Variants in ARFGEF1 observed in about 807,000 individuals in gnomAD.
ARFGEF1 encodes the protein ARF guanine nucleotide exchange factor 1.
A neutral mutation model predicts 231.0 loss-of-function variants in ARFGEF1; 42 were observed. That is an observed-to-expected ratio of 0.18 (90% CI 0.14 to 0.24). The LOEUF (loss-of-function observed/expected upper bound fraction) is 0.24, where lower values mean the gene tolerates loss of function less well. ARFGEF1 is among the 10% of genes least tolerant of loss of function. ARFGEF1 has a pLI of 1.00. For missense variants in ARFGEF1, 1,345 were observed against 2,192.0 expected, an observed-to-expected ratio of 0.61 and a Z score of 7.72; for synonymous variants, 710 against 732.3, an observed-to-expected ratio of 0.97 and a Z score of 0.49.
At chr8:67,283,668 T>C (rs1805631156) in intron 7 of ARFGEF1, among the ~76,000 whole-genome samples, 1 of 152,024 alleles carries the variant, frequency 6.6e-6, no homozygotes, top group African/African-American at 2.4e-5. Flanking sequence ...AAAAATCTGA[T>C]GGAAAAATGA....
At position 67,259,448 on chromosome 8, in the gene ARFGEF1, G is replaced by A. The variant is rs569368623; in HGVS notation, c.2235+367C>T. Among the ~76,000 whole-genome samples the A allele has an allele frequency of 2.2e-4, 34 of 152,066 alleles. No homozygotes were observed. The East Asian group carries it at 6.0e-3, about 27-fold the overall frequency. ...TTGCCACATTGGCCAGGCTGGTCTC[G>A]AACTCCTGACCTCAGGTGATCTACC... is the stretch of plus-strand genomic sequence containing the variant. On this transcript the variant is annotated intron_variant, in intron 15 of 38. Coordinates refer to ENST00000262215, the MANE Select transcript of ARFGEF1 (RefSeq NM_006421.5).
At chr8:67,236,408 A>G (rs548160245) in intron 22 of ARFGEF1, among the ~76,000 whole-genome samples, 28 of 105,554 alleles carry the variant, frequency 2.7e-4, no homozygotes, top group South Asian at 1.8e-3. Flanking sequence ...ATATATATAT[A>G]TATGTATCCA....
At chr8:67,306,165 T>A (rs554052733) in intron 1 of ARFGEF1, among the ~76,000 whole-genome samples, 217 of 152,298 alleles carry the variant, frequency 1.4e-3, no homozygotes, top group African/African-American at 5.1e-3. Context: ...TTGGGGGTAT[T>A]AAGTAAAATA....
chr8:67,296,642 G>C, intron 4 of ARFGEF1, 32 bp from the exon 5 acceptor site: 2 of 1,515,464 alleles, frequency 1.3e-6, no homozygotes, highest in Non-Finnish European at 1.8e-6. Context: ...AAGTTAAAGA[G>C]ATTTTCTTTT....
At chr8:67,177,109 A>G (rs1831881595) in intron 5 of ARFGEF1, among the ~76,000 whole-genome samples, 4 of 151,528 alleles carry the variant, frequency 2.6e-5, no homozygotes, top group Admixed American at 2.6e-4. Flanking sequence ...TGGCCTCACT[A>G]TAAACAATCA....
Position 67,266,864 on chromosome 8 carries a change from A to T in ARFGEF1, c.1921+12T>A. 1 of 1,601,092 alleles carries T rather than the reference A, an allele frequency of 6.2e-7. No homozygotes were observed. The highest frequency in any genetic ancestry group is 2.2e-5 in the East Asian group (1 of 44,682). ...AAATGACAAAGAATTACAGCTCAAA[A>T]TATCACCTTACCAAGAGTTGTCTGG... is the stretch of plus-strand genomic sequence containing the variant. On this transcript the variant is annotated intron_variant, in intron 13 of 38. Coordinates refer to ENST00000262215, the MANE Select transcript of ARFGEF1 (RefSeq NM_006421.5).
chr8:67,195,811 T>C, downstream of ARFGEF1: 1 of 505,440 alleles, frequency 2.0e-6, no homozygotes, highest in Non-Finnish European at 3.5e-6. Flanking sequence ...TTTTGCACAG[T>C]TTTGTCATAA....
rs1838391415 is a variant in ARFGEF1, at chr8:67,203,080, T to C, written c.5128+3A>G. On this transcript the variant is annotated splice_donor_region_variant and intron_variant, in intron 36 of 38. Coordinates refer to ENST00000262215, the MANE Select transcript of ARFGEF1 (RefSeq NM_006421.5). ...CATTAAATGTGAGGCGTGTGCAGCT[T>C]ACCTGCTTTCCACAGGGCAGTCCTC... The C allele has an allele frequency of 6.2e-7, 1 of 1,611,448 alleles. No individual in the cohort carries two copies.
chr8:67,239,249 G>C (rs567537271), intron 20 of ARFGEF1, among the ~76,000 whole-genome samples: 17 of 151,814 alleles, frequency 1.1e-4, no homozygotes, highest in Admixed American at 1.1e-3. Flanking sequence ...CTCGTGATCT[G>C]CCCGCCTCGA....
chr8:67,342,722 G>A (rs1468120602), intron 1 of ARFGEF1, among the ~76,000 whole-genome samples: 1 of 152,034 alleles, frequency 6.6e-6, no homozygotes, highest in Non-Finnish European at 1.5e-5. Flanking sequence ...CTCGCCAAAC[G>A]AAAAAGTTAT....
At chr8:67,202,013 GCC>G (rs1006210664) in intron 36 of ARFGEF1, 4 of 178,710 alleles carry the variant, frequency 2.2e-5, no homozygotes, top group African/African-American at 9.6e-5. Context: ...GCAGGAAGAG[GCC>G]CAGTGGAATG....
At position 67,335,478 on chromosome 8, in the gene ARFGEF1, T is replaced by C. The variant is rs374082659; in HGVS notation, c.124+7686A>G. Among the ~76,000 whole-genome samples the C allele has an allele frequency of 1.9e-4, 29 of 152,272 alleles. No homozygotes were observed. The East Asian group carries it at 2.7e-3, about 14-fold the overall frequency. On this transcript the variant is annotated intron_variant, in intron 1 of 38. Transcript: ENST00000262215. ...TTGAAGGATTCGTTTATAAAAAATA[T>C]CAAATTACCAAACTTACTGGAATTA...
rs558658546 is a variant in ARFGEF1 at position 67,197,838 on chromosome 8, C to T, written c.*1096G>A. ...AAATTTTCTACATCCACTGTTAATACGGAATGCTTGACAATCTTGTCTTTT... is the reference window on the plus strand; with the variant it reads ...AAATTTTCTACATCCACTGTTAATATGGAATGCTTGACAATCTTGTCTTTT... On this transcript the variant is annotated 3_prime_UTR_variant, in exon 39 of 39. Coordinates refer to ENST00000262215, the MANE Select transcript of ARFGEF1 (RefSeq NM_006421.5). 5.4e-4 allele frequency: 533 copies of T among 985,820 alleles called. 14 individuals are homozygous for T. The South Asian group carries it at 0.022, about 41-fold the overall frequency. 61.1% of individuals were successfully genotyped at this position (985,820 alleles called of 1,614,324 possible).
intron 19 of ARFGEF1, among the ~76,000 whole-genome samples, chr8:67,245,184 G>A (rs1017097047): frequency 3.3e-5 from 5 of 150,624 alleles, no homozygotes; most frequent in Admixed American, 6.6e-5. Context: ...AAAGCTGAGG[G>A]ATTTCATCAA....
At chr8:67,299,611 G>A (rs905736696) in intron 3 of ARFGEF1, among the ~76,000 whole-genome samples, 1 of 152,152 alleles carries the variant, frequency 6.6e-6, no homozygotes, top group Admixed American at 6.5e-5. Flanking sequence ...GTAATATTTT[G>A]AGAAAGTCAG....
chr8:67,263,263 G>A lies in ARFGEF1; in HGVS notation c.2123+2743C>T, dbSNP rs116380816. On this transcript the variant is annotated intron_variant, in intron 14 of 38. Transcript: ENST00000262215. ...TACAGATCATTTACTTCCTACTTTT[G>A]TTACTTTGGTGCTCCAACACCTGTC... Among the ~76,000 whole-genome samples the A allele has an allele frequency of 2.7e-3, 405 of 152,116 alleles. 1 individual carries two copies. Among genetic ancestry groups the A allele is most frequent in the African/African-American group, 8.5e-3 (351 of 41,504 alleles).
At chr8:67,231,885 C>T (rs1043445566) in intron 23 of ARFGEF1, among the ~76,000 whole-genome samples, 1 of 151,872 alleles carries the variant, frequency 6.6e-6, no homozygotes, top group Non-Finnish European at 1.5e-5. Flanking sequence ...TGTGGCAAGC[C>T]TTCATGTTTG....
At chr8:67,288,283 C>T (rs1805845483) in intron 6 of ARFGEF1, among the ~76,000 whole-genome samples, 1 of 150,482 alleles carries the variant, frequency 6.6e-6, no homozygotes, top group Non-Finnish European at 1.5e-5. Flanking sequence ...ATTCCTTTGA[C>T]AAGCTATTAC....
intron 17 of ARFGEF1, among the ~76,000 whole-genome samples, chr8:67,254,781 G>A (rs1164663625): frequency 6.6e-6 from 1 of 151,718 alleles, no homozygotes; most frequent in Admixed American, 6.6e-5. Context: ...AGGGAGGCAG[G>A]AGTGCTTTCC....
Sources: allele counts gnomAD v4.1 joint callset (sites outside exome capture counted in the v4.1 genomes callset), GRCh38; gene constraint gnomAD v4.1.1; transcripts MANE v1.5; gene names NCBI Gene and HGNC (gene_info 2026-07-23, HGNC 2026-07-21).